The following MTHFD1L variants were observed in gnomAD, a reference collection of about 807,000 sequenced individuals.
MTHFD1L encodes methylenetetrahydrofolate dehydrogenase (NADP+ dependent) 1 like.
Under a neutral mutation model 119.5 loss-of-function variants are expected in MTHFD1L, and 81 were observed. The observed-to-expected ratio is 0.68, with a 90% CI of 0.57 to 0.82. The LOEUF (loss-of-function observed/expected upper bound fraction) is 0.82, where lower values mean the gene tolerates loss of function less well. Among genes scored for constraint, MTHFD1L ranks in the 40% least tolerant of loss-of-function variants. The pLI is 0.00. For missense variants in MTHFD1L, 1,125 were observed against 1,253.4 expected, an observed-to-expected ratio of 0.90 and a Z score of 1.55; for synonymous variants, 430 against 475.2, an observed-to-expected ratio of 0.90 and a Z score of 1.24.
chr6:151,058,192 G>A (rs896822031), intron 26 of MTHFD1L, among the ~76,000 whole-genome samples: 2 of 152,138 alleles, frequency 1.3e-5, no homozygotes, highest in African/African-American at 4.8e-5. Context: ...CTGGTTTATT[G>A]CACTGACATT....
At chr6:151,061,454 A>G (rs1040017855) in intron 26 of MTHFD1L, among the ~76,000 whole-genome samples, 2 of 152,204 alleles carry the variant, frequency 1.3e-5, no homozygotes, top group African/African-American at 4.8e-5. Flanking sequence ...AGCATAGACC[A>G]TTTTGTTTGT....
In MTHFD1L at chr6:151,044,473, T is replaced by C. The variant is rs543542096; in HGVS notation, c.2847+7356T>C. On this transcript the variant is annotated intron_variant, in intron 26 of 27. Transcript: ENST00000367321. Reference sequence around the variant, plus strand: ...GCCGCCACTACGCCCCGCTAGTTTTTTGTATTTTTAATAGAGATGGCATTT... The same window carrying C: ...GCCGCCACTACGCCCCGCTAGTTTTCTGTATTTTTAATAGAGATGGCATTT... 4.6e-5 allele frequency among the ~76,000 whole-genome samples: 7 copies of C among 151,992 alleles called. No homozygotes were observed. The South Asian group carries it at 1.3e-3, about 27-fold the overall frequency.
At chr6:150,920,084 A>G (rs1463284739) in intron 9 of MTHFD1L, among the ~76,000 whole-genome samples, 1 of 152,180 alleles carries the variant, frequency 6.6e-6, no homozygotes, top group Non-Finnish European at 1.5e-5. Flanking sequence ...ACAGTGTGGC[A>G]GCTAACTTCC....
At chr6:150,954,496 T>A (rs1386131122) in intron 16 of MTHFD1L, among the ~76,000 whole-genome samples, 1 of 151,974 alleles carries the variant, frequency 6.6e-6, no homozygotes, top group Non-Finnish European at 1.5e-5. Flanking sequence ...AAGACCAGCC[T>A]GGCCAAAATG....
intron 8 of MTHFD1L, chr6:150,912,783 C>T (rs761866298): frequency 1.2e-5 from 5 of 433,168 alleles, no homozygotes; most frequent in East Asian, 6.8e-5. Context: ...GACCCGTCCA[C>T]GGTTTCGGAT....
At chr6:151,014,580 G>A (rs1025789816) in intron 22 of MTHFD1L, among the ~76,000 whole-genome samples, 6 of 152,232 alleles carry the variant, frequency 3.9e-5, no homozygotes, top group Non-Finnish European at 8.8e-5. Flanking sequence ...CACCCACCTG[G>A]GGCCTTGTGC....
At chr6:150,941,559 T>A (rs528673964) in intron 13 of MTHFD1L, among the ~76,000 whole-genome samples, 12 of 152,200 alleles carry the variant, frequency 7.9e-5, no homozygotes, top group Middle Eastern at 3.4e-3. Flanking sequence ...TGGCCCAGGA[T>A]GGGGGCAGTG....
intron 26 of MTHFD1L, among the ~76,000 whole-genome samples, chr6:151,081,405 C>A (rs963014973): frequency 1.3e-5 from 2 of 151,322 alleles, no homozygotes; most frequent in African/African-American, 2.4e-5. Flanking sequence ...GTAATTCCAG[C>A]ACTTTGGGAG....
intron 8 of MTHFD1L, among the ~76,000 whole-genome samples, chr6:150,909,488 C>T (rs1355300977): frequency 1.3e-5 from 2 of 152,010 alleles, no homozygotes; most frequent in Admixed American, 6.6e-5. Flanking sequence ...AATAGTCCTC[C>T]CGCCTCCACC....
At chr6:150,959,474 C>T (rs1619054) in intron 17 of MTHFD1L, among the ~76,000 whole-genome samples, 43,129 of 152,134 alleles carry the variant, frequency 0.28, 6,455 homozygotes, top group East Asian at 0.49. Flanking sequence ...TGTTGGACTT[C>T]GTACAACGTG....
intron 26 of MTHFD1L, among the ~76,000 whole-genome samples, chr6:151,085,038 C>G (rs1157628244): frequency 6.9e-6 from 1 of 145,340 alleles, no homozygotes; most frequent in Non-Finnish European, 1.5e-5. Flanking sequence ...CACACACACA[C>G]ACATTAGATA....
intron 24 of MTHFD1L, among the ~76,000 whole-genome samples, chr6:151,017,376 C>T (rs960442480): frequency 1.4e-5 from 2 of 145,078 alleles, no homozygotes; most frequent in African/African-American, 2.6e-5. Context: ...GATGGAGTTT[C>T]GCTTTTGTTG....
At chr6:150,982,630 A>C (rs1032290235) in intron 20 of MTHFD1L, among the ~76,000 whole-genome samples, 8 of 152,302 alleles carry the variant, frequency 5.3e-5, no homozygotes, top group South Asian at 4.2e-4. Flanking sequence ...TCTGCAACGT[A>C]ATACCAATTT....
At chr6:151,018,808 T>C (rs1285852221) in intron 24 of MTHFD1L, among the ~76,000 whole-genome samples, 2 of 152,196 alleles carry the variant, frequency 1.3e-5, no homozygotes, top group Non-Finnish European at 2.9e-5. Context: ...AGTCAGTGTT[T>C]ACGGAAGGAA....
At position 151,001,044 on chromosome 6, in the gene MTHFD1L, C is replaced by G. The variant is rs551430749; in HGVS notation, c.2126-8775C>G. 2.6e-5 allele frequency among the ~76,000 whole-genome samples: 4 copies of G among 152,292 alleles called. No individual in the cohort carries two copies. In the East Asian group the frequency reaches 7.7e-4, roughly 29 times the overall value. On this transcript the variant is annotated intron_variant, in intron 20 of 27. Transcript: ENST00000367321. ...ATGATTAAGTTAGCCAGATACGCCC[C>G]GTGCGCTCATATTTCTTAACCTATT... is the stretch of plus-strand genomic sequence containing the variant.
intron 26 of MTHFD1L, among the ~76,000 whole-genome samples, chr6:151,064,259 G>GT (rs1282939644): frequency 3.3e-5 from 5 of 152,098 alleles, no homozygotes; most frequent in Non-Finnish European, 5.9e-5. Context: ...AATCTGAAAT[G>GT]TTTTGCTTTT....
intron 26 of MTHFD1L, among the ~76,000 whole-genome samples, chr6:151,072,106 G>A (rs1792011365): frequency 6.6e-6 from 1 of 152,066 alleles, no homozygotes; most frequent in Non-Finnish European, 1.5e-5. Flanking sequence ...TGAGAGTACA[G>A]GCGTGAGCCA....
intron 11 of MTHFD1L, among the ~76,000 whole-genome samples, chr6:150,932,643 C>A (rs914870669): frequency 6.6e-6 from 1 of 152,028 alleles, no homozygotes; most frequent in Non-Finnish European, 1.5e-5. Flanking sequence ...GATGACGTGC[C>A]TGTAGTCCCA....
intron 8 of MTHFD1L, among the ~76,000 whole-genome samples, chr6:150,913,690 G>A (rs1787343380): frequency 6.6e-6 from 1 of 151,598 alleles, no homozygotes; most frequent in Admixed American, 6.6e-5. Context: ...TTTAAGTTGT[G>A]TCTTAAAATT....
Sources: gnomAD v4.1 joint callset for allele counts (sites outside exome capture counted in the v4.1 genomes callset) on GRCh38, gnomAD v4.1.1 for gene constraint, MANE v1.5 for transcripts, NCBI Gene and HGNC (gene_info 2026-07-23, HGNC 2026-07-21) for gene names.